Variants in IFT140 observed in about 807,000 individuals in gnomAD.
The protein encoded by IFT140 is intraflagellar transport 140.
In IFT140, 133 loss-of-function variants were observed where a neutral mutation model predicts 164.6. The observed-to-expected ratio is 0.81, with a 90% CI of 0.70 to 0.93. The LOEUF (loss-of-function observed/expected upper bound fraction) is 0.93. Ranked by LOEUF, IFT140 falls within the 40% of genes least tolerant of loss-of-function variation. IFT140 has a pLI of 0.00. For synonymous variants in IFT140, 860 were observed against 817.3 expected (o/e 1.05, Z -0.89); for missense variants, 2,045 against 1,972.3 (o/e 1.04, Z -0.70).
In IFT140 at chr16:1,611,620, G is replaced by C. The variant is rs112634522; in HGVS notation, c.-222+348C>G. On this transcript the variant is annotated intron_variant, in intron 1 of 30. Coordinates refer to ENST00000426508, the MANE Select transcript of IFT140 (RefSeq NM_014714.4). ...ACTTGAGGTCAGGAGTTCGAGACTA[G>C]CTTGGCCAACATGGTGAAACCCCGT... Among the ~76,000 whole-genome samples, 630 of 152,160 alleles carry C rather than the reference G, an allele frequency of 4.1e-3. 6 individuals are homozygous for C. Among genetic ancestry groups the C allele is most frequent in the African/African-American group, 0.014 (583 of 41,546 alleles).
chr16:1,557,839 A>G, intron 19 of IFT140, 96 bp downstream of exon 19: 2 of 1,238,622 alleles, frequency 1.6e-6, no homozygotes, highest in Admixed American at 1.8e-5. Flanking sequence ...GAGGAGTCAA[A>G]TATTTCAACA....
At chr16:1,552,639 A>G (rs769451394) in intron 19 of IFT140, among the ~76,000 whole-genome samples, 1 of 150,562 alleles carries the variant, frequency 6.6e-6, no homozygotes, top group Non-Finnish European at 1.5e-5. Context: ...ATTCATTACA[A>G]AGAGAATGCT....
intron 3 of IFT140, 134 bp downstream of exon 3, chr16:1,606,986 A>G (rs2036104012): frequency 2.3e-6 from 2 of 852,168 alleles, no homozygotes; most frequent in Admixed American, 4.3e-5. Flanking sequence ...ACATACACGC[A>G]CACACAGATG....
At chr16:1,539,680 G>A (rs912294357) in intron 19 of IFT140, among the ~76,000 whole-genome samples, 2 of 152,236 alleles carry the variant, frequency 1.3e-5, no homozygotes, top group African/African-American at 2.4e-5. Context: ...TGGCAGTGAC[G>A]CTCACTGGGG....
intron 30 of IFT140, chr16:1,514,767 A>G (rs2040293694): frequency 6.6e-6 from 1 of 152,232 alleles, no homozygotes; most frequent in South Asian, 2.1e-4. Context: ...AATTTGACCC[A>G]TACTCAAAAG....
chr16:1,529,835 C>A (rs1009665749), intron 19 of IFT140, among the ~76,000 whole-genome samples: 3 of 152,222 alleles, frequency 2.0e-5, no homozygotes, highest in African/African-American at 7.2e-5. Flanking sequence ...TCCAGGGCTC[C>A]CCAGAACGCT....
intron 1 of IFT140, among the ~76,000 whole-genome samples, chr16:1,611,552 C>G (rs917664951): frequency 2.0e-5 from 3 of 150,734 alleles, no homozygotes; most frequent in East Asian, 1.9e-4. Flanking sequence ...CGGTGGCTCA[C>G]GCCTGCAAAC....
At chr16:1,581,753 A>AGGGGG (rs2034574003) in intron 12 of IFT140, among the ~76,000 whole-genome samples, 1 of 34,604 alleles carries the variant, frequency 2.9e-5, no homozygotes, top group African/African-American at 1.1e-4. Flanking sequence ...AGGGGAGGGG[A>AGGGGG]GCGGGGGGTG....
chr16:1,577,100 G>T (rs2034318199), intron 13 of IFT140: 1 of 152,174 alleles, frequency 6.6e-6, no homozygotes, highest in African/African-American at 2.4e-5. Context: ...ACCCCAGGGG[G>T]ACCCATGTGA....
chr16:1,584,923 T>C (rs779069792), intron 10 of IFT140, among the ~76,000 whole-genome samples: 3 of 152,234 alleles, frequency 2.0e-5, no homozygotes, highest in Middle Eastern at 3.4e-3. Flanking sequence ...AACCCAGACA[T>C]CAGAAACTGC....
chr16:1,592,198 C>T lies in IFT140; in HGVS notation c.612G>A (p.Leu204=), dbSNP rs2035215955. 1 of 1,614,068 alleles carries T rather than the reference C, an allele frequency of 6.2e-7. No homozygotes were observed. The highest frequency in any genetic ancestry group is 1.3e-5 in the African/African-American group (1 of 74,940). Residue 204 remains leucine, a synonymous_variant, in exon 6 of 31, where the codon TTG becomes TTA. Transcript: ENST00000426508. ...CACCGTCCATCAGACTGACAAAGAA[C>T]AACAGCCCCTCGTGAGACCCCATCT... ...LLKMGSHEGL[L]FFVSLMDGTV... is the part of the protein sequence containing the mutation.
intron 20 of IFT140, chr16:1,526,352 G>C (rs1172470848): frequency 2.2e-6 from 1 of 458,038 alleles, no homozygotes; most frequent in African/African-American, 2.2e-5. Context: ...CCCGTGCTCA[G>C]CCCTGCTGAC....
intron 10 of IFT140, among the ~76,000 whole-genome samples, chr16:1,585,570 A>G (rs2034823127): frequency 6.6e-6 from 1 of 152,190 alleles, no homozygotes; most frequent in African/African-American, 2.4e-5. Context: ...TTTTTCATAC[A>G]GATAGAGAGA....
chr16:1,598,194 C>T (rs530029903), intron 4 of IFT140, among the ~76,000 whole-genome samples: 2 of 152,274 alleles, frequency 1.3e-5, no homozygotes, highest in East Asian at 1.9e-4. Flanking sequence ...TGCGGTGGCT[C>T]ACGCCTGTAA....
intron 18 of IFT140, among the ~76,000 whole-genome samples, chr16:1,560,260 C>T (rs1192869126): frequency 1.3e-5 from 2 of 152,234 alleles, no homozygotes; most frequent in Non-Finnish European, 2.9e-5. Context: ...TGAAGCCAGA[C>T]TGCCTCCACC....
Position 1,553,830 on chromosome 16 carries a change from A to C in IFT140, c.2399+4105T>G. 8.3e-7 allele frequency: 1 copy of C among 1,209,128 alleles called. No homozygotes were observed. The highest frequency in any genetic ancestry group is 1.1e-6 in the Non-Finnish European group (1 of 950,544). 74.9% of individuals were successfully genotyped at this position (1,209,128 alleles called of 1,614,324 possible). ...CAGCTGGATTAGGACGCCCGGCTCC[A>C]TCGCTGCGGCCACAGTGTCCTGTTA... On this transcript the variant is annotated intron_variant, in intron 19 of 30. Coordinates refer to ENST00000426508, the MANE Select transcript of IFT140 (RefSeq NM_014714.4). The surrounding 1 kb of genome is among the most constrained non-coding windows in gnomAD (Gnocchi z 4.4).
chr16:1,525,299 G>C lies in IFT140; in HGVS notation c.2796C>G (p.Phe932Leu), dbSNP rs765939872. The change falls in exon 22 of 31, where the codon TTC (phenylalanine) becomes TTG (leucine). Residue 932 changes from phenylalanine to leucine, a missense_variant. Phe to Leu is a conservative substitution (Grantham distance 22, BLOSUM62 0). Coordinates refer to ENST00000426508, the MANE Select transcript of IFT140 (RefSeq NM_014714.4). ...CCTCCGACAGCATCCTGGGCACCTCGAAGCGGTGCGTGTCCGACTTCTCGT... is the reference window on the plus strand; with the variant it reads ...CCTCCGACAGCATCCTGGGCACCTCCAAGCGGTGCGTGTCCGACTTCTCGT... ...SYYEKSDTHR[F>L]EVPRMLSEDL... 31 of 1,612,312 alleles carry C rather than the reference G, an allele frequency of 1.9e-5. No homozygotes were observed. The highest frequency in any genetic ancestry group is 2.5e-5 in the Non-Finnish European group (29 of 1,179,782).
At chr16:1,581,759 G>A (rs1397041873) in intron 12 of IFT140, among the ~76,000 whole-genome samples, 12 of 96,344 alleles carry the variant, frequency 1.2e-4, no homozygotes, top group Non-Finnish European at 1.9e-4. Context: ...GGGGAGCGGG[G>A]GGTGGGGAGG....
At chr16:1,550,769 A>G (rs2032569458) in intron 19 of IFT140, among the ~76,000 whole-genome samples, 1 of 152,204 alleles carries the variant, frequency 6.6e-6, no homozygotes. Context: ...CCCTCTGGGG[A>G]CACAGAGATT....
Sources: allele counts gnomAD v4.1 joint callset (sites outside exome capture counted in the v4.1 genomes callset), GRCh38; gene constraint gnomAD v4.1.1; non-coding constraint Gnocchi (gnomAD v3.1); transcripts MANE v1.5; gene names NCBI Gene and HGNC (gene_info 2026-07-23, HGNC 2026-07-21).